SLC25A21: variants seen among roughly 807,000 people sequenced by gnomAD.
SLC25A21 encodes the protein solute carrier family 25 member 21.
In SLC25A21, 47 loss-of-function variants were observed where a neutral mutation model predicts 43.8. That is an observed-to-expected ratio of 1.07 (90% confidence interval 0.85 to 1.37). The LOEUF (loss-of-function observed/expected upper bound fraction) is 1.37, where lower values mean the gene tolerates loss of function less well. Ranked by LOEUF, SLC25A21 falls within the 40% of genes most tolerant of loss-of-function variation. The probability of loss-of-function intolerance (pLI) is 0.00; values close to 1 mark genes in which losing one functional copy is unlikely to be tolerated. For missense variants in SLC25A21, 352 were observed against 350.2 expected (o/e 1.00, Z -0.04); for synonymous variants, 131 against 121.3 (o/e 1.08, Z -0.52).
At chr14:36,691,361 G>A (rs1220761356) in intron 7 of SLC25A21, among the ~76,000 whole-genome samples, 1 of 152,058 alleles carries the variant, frequency 6.6e-6, no homozygotes, top group Non-Finnish European at 1.5e-5. Context: ...ATTTTGAATG[G>A]GTCACATATA....
At chr14:37,123,248 ATGGAGCCAGGCTTGG>A (rs1361004484) in intron 1 of SLC25A21, among the ~76,000 whole-genome samples, 2 of 152,204 alleles carry the variant, frequency 1.3e-5, no homozygotes, top group African/African-American at 4.8e-5. Context: ...TGACATTTAG[ATGGAGCCAGGCTTGG>A]TGTACCTGCT....
chr14:37,026,134 CAT>C (rs1401076052), intron 1 of SLC25A21, among the ~76,000 whole-genome samples: 1 of 152,148 alleles, frequency 6.6e-6, no homozygotes, highest in Non-Finnish European at 1.5e-5. Flanking sequence ...GAACTACTAA[CAT>C]ATAAGATGCA....
At chr14:37,102,313 C>T (rs1297666149) in intron 1 of SLC25A21, among the ~76,000 whole-genome samples, 1 of 151,888 alleles carries the variant, frequency 6.6e-6, no homozygotes, top group East Asian at 2.0e-4. Context: ...TGCGGTGGCA[C>T]ATGCCTGTAA....
chr14:37,122,745 C>T (rs1005482068), intron 1 of SLC25A21, among the ~76,000 whole-genome samples: 5 of 152,120 alleles, frequency 3.3e-5, no homozygotes, highest in African/African-American at 9.7e-5. Context: ...GGAGCTGTAT[C>T]CTCCTTCCCT....
Position 36,826,753 on chromosome 14 carries a change from T to G in SLC25A21, c.120-12752A>C, listed in dbSNP as rs368136368. On this transcript the variant is annotated intron_variant, in intron 2 of 9. Coordinates refer to ENST00000331299, the MANE Select transcript of SLC25A21 (RefSeq NM_030631.4). ...AAAGATAAGTGGCCTCTGGCTAAGT[T>G]CGAACATTCCCTGAGAATGGGCTGT... is the stretch of plus-strand genomic sequence containing the variant. 1.5e-4 allele frequency among the ~76,000 whole-genome samples: 23 copies of G among 152,274 alleles called. No homozygotes were observed. In the East Asian group the frequency reaches 2.1e-3, roughly 14 times the overall value.
chr14:36,773,918 G>T (rs1886719676), intron 3 of SLC25A21, among the ~76,000 whole-genome samples: 1 of 152,186 alleles, frequency 6.6e-6, no homozygotes, highest in Non-Finnish European at 1.5e-5. Flanking sequence ...GGTATTCACG[G>T]ATGCTTTTTG....
intron 1 of SLC25A21, among the ~76,000 whole-genome samples, chr14:37,006,663 C>T (rs2138732424): frequency 6.6e-6 from 1 of 152,150 alleles, no homozygotes; most frequent in South Asian, 2.1e-4. Context: ...ACCTTAATTT[C>T]CTTAATTCCT....
chr14:36,875,264 A>C (rs1330116520), intron 1 of SLC25A21, among the ~76,000 whole-genome samples: 1 of 152,178 alleles, frequency 6.6e-6, no homozygotes, highest in Non-Finnish European at 1.5e-5. Flanking sequence ...AAAATTTAAA[A>C]AATAATCAGA....
At chr14:36,961,330 C>A (rs187835604) in intron 1 of SLC25A21, among the ~76,000 whole-genome samples, 1 of 152,052 alleles carries the variant, frequency 6.6e-6, no homozygotes, top group African/African-American at 2.4e-5. Context: ...TCCTGCCTCA[C>A]CCTCCCGAGT....
Position 36,811,806 on chromosome 14 carries a change from T to C in SLC25A21, c.203+2112A>G, listed in dbSNP as rs140330259. ...TATACCACACTGCACATTAAAAAATTATCAGCTGGATTAAAAATTGTAATG... is the reference window on the plus strand; with the variant it reads ...TATACCACACTGCACATTAAAAAATCATCAGCTGGATTAAAAATTGTAATG... On this transcript the variant is annotated intron_variant, in intron 3 of 9. Coordinates refer to ENST00000331299, the MANE Select transcript of SLC25A21 (RefSeq NM_030631.4). Among the ~76,000 whole-genome samples the C allele has an allele frequency of 2.1e-3, 327 of 152,310 alleles. 1 individual carries two copies. The highest frequency in any genetic ancestry group is 7.5e-3 in the African/African-American group (311 of 41,572).
chr14:36,952,350 T>C (rs1467101968), intron 1 of SLC25A21: 2 of 153,490 alleles, frequency 1.3e-5, no homozygotes, highest in Non-Finnish European at 2.9e-5. Flanking sequence ...CAAATAGAAA[T>C]TTATATGTAA....
chr14:36,826,712 C>T (rs143039210), intron 2 of SLC25A21, among the ~76,000 whole-genome samples: 1 of 152,312 alleles, frequency 6.6e-6, no homozygotes, highest in East Asian at 1.9e-4. Context: ...ATTTCCATGT[C>T]AGAGAGTTGA....
chr14:36,693,148 T>G (rs1228867180), intron 7 of SLC25A21, among the ~76,000 whole-genome samples: 4 of 152,364 alleles, frequency 2.6e-5, no homozygotes, highest in African/African-American at 9.6e-5. Context: ...AATACATTTT[T>G]GAAAATTTCA....
intron 1 of SLC25A21, among the ~76,000 whole-genome samples, chr14:36,958,555 C>T (rs17105768): frequency 0.016 from 2,459 of 152,210 alleles, 78 homozygotes; most frequent in African/African-American, 0.056. Flanking sequence ...TTAACTCTTC[C>T]TTGTGGAAAC....
chr14:36,837,584 G>A (rs1889251836), intron 2 of SLC25A21, among the ~76,000 whole-genome samples: 1 of 152,128 alleles, frequency 6.6e-6, no homozygotes, highest in Admixed American at 6.5e-5. Context: ...AGTCCTTGAG[G>A]GCTGTGGGGC....
At chr14:36,876,932 G>GATAGATAGATAT (rs376120522) in intron 1 of SLC25A21, among the ~76,000 whole-genome samples, 2 of 149,776 alleles carry the variant, frequency 1.3e-5, no homozygotes, top group Admixed American at 1.3e-4. Flanking sequence ...TAGATAGATA[G>GATAGATAGATAT]ATAGATACAC....
At chr14:36,759,773 T>C (rs1415003611) in intron 3 of SLC25A21, 1 of 152,200 alleles carries the variant, frequency 6.6e-6, no homozygotes, top group African/African-American at 2.4e-5. Context: ...ATTGAGATCA[T>C]CCTGGCCAAC....
At chr14:36,940,500 G>C (rs1367104317) in intron 1 of SLC25A21, among the ~76,000 whole-genome samples, 1 of 151,964 alleles carries the variant, frequency 6.6e-6, no homozygotes, top group Non-Finnish European at 1.5e-5. Context: ...ATCAAATACA[G>C]AAAAAAGTGA....
intron 1 of SLC25A21, among the ~76,000 whole-genome samples, chr14:36,925,697 A>G (rs529700939): frequency 6.6e-6 from 1 of 152,088 alleles, no homozygotes; most frequent in Non-Finnish European, 1.5e-5. Context: ...AAATACAAAA[A>G]TTAGCCAGGC....
Sources: allele counts gnomAD v4.1 joint callset (sites outside exome capture counted in the v4.1 genomes callset), GRCh38; gene constraint gnomAD v4.1.1; transcripts MANE v1.5; gene names NCBI Gene and HGNC (gene_info 2026-07-23, HGNC 2026-07-21).